Variants in SGMS1 observed in about 807,000 individuals in gnomAD.
The protein encoded by SGMS1 is phosphatidylcholine:ceramide cholinephosphotransferase 1.
SGMS1 carries 13 observed loss-of-function variants against 46.2 expected under a neutral mutation model. The ratio of observed to expected loss-of-function variants is 0.28; its 90% CI spans 0.18 to 0.45. The LOEUF (loss-of-function observed/expected upper bound fraction) is 0.45, where lower values mean the gene tolerates loss of function less well. SGMS1 is among the 20% of genes least tolerant of loss of function. The probability of loss-of-function intolerance (pLI) is 1.00; values close to 1 mark genes in which losing one functional copy is unlikely to be tolerated. For missense variants in SGMS1, 324 were observed against 519.9 expected (o/e 0.62, Z 3.66); for synonymous variants, 203 against 187.8 (o/e 1.08, Z -0.66).
chr10:50,480,661 T>C (rs1376034938), intron 3 of SGMS1, among the ~76,000 whole-genome samples: 1 of 152,050 alleles, frequency 6.6e-6, no homozygotes, highest in Non-Finnish European at 1.5e-5. Flanking sequence ...TGAGCCCATA[T>C]CACCAAGGCC....
intron 6 of SGMS1, among the ~76,000 whole-genome samples, chr10:50,392,554 C>T (rs1848788857): frequency 6.6e-6 from 1 of 152,174 alleles, no homozygotes; most frequent in African/African-American, 2.4e-5. Context: ...CTGTCTTCCT[C>T]AGGATCCATG....
chr10:50,312,062 A>C (rs1847263354), intron 8 of SGMS1, among the ~76,000 whole-genome samples: 1 of 152,218 alleles, frequency 6.6e-6, no homozygotes. Flanking sequence ...TGAACAACTC[A>C]TTCATTACAA....
intron 3 of SGMS1, among the ~76,000 whole-genome samples, chr10:50,470,535 A>T (rs1837369622): frequency 1.3e-5 from 2 of 151,800 alleles, no homozygotes. Context: ...TGAAGGTTGC[A>T]AGTCTCTTGC....
At chr10:50,450,931 C>T (rs1837100617) in intron 5 of SGMS1, among the ~76,000 whole-genome samples, 1 of 151,618 alleles carries the variant, frequency 6.6e-6, no homozygotes, top group Non-Finnish European at 1.5e-5. Flanking sequence ...AAAAAGAAAA[C>T]TCTAGGAGAA....
At chr10:50,617,621 ACC>A in intron 1 of SGMS1, among the ~76,000 whole-genome samples, 1 of 152,246 alleles carries the variant, frequency 6.6e-6, no homozygotes, top group South Asian at 2.1e-4. Flanking sequence ...TCACTCTGTC[ACC>A]CAGGATGGAG....
At chr10:50,358,067 G>A (rs1036416897) in intron 6 of SGMS1, among the ~76,000 whole-genome samples, 1 of 152,134 alleles carries the variant, frequency 6.6e-6, no homozygotes, top group African/African-American at 2.4e-5. Context: ...ATCTCTTGAG[G>A]CCAGGAGTTC....
chr10:50,547,274 A>G (rs1018323736), intron 2 of SGMS1, among the ~76,000 whole-genome samples: 4 of 152,190 alleles, frequency 2.6e-5, no homozygotes, highest in Admixed American at 1.3e-4. Context: ...TTATTTTAAA[A>G]ATTCAGACCA....
chr10:50,562,637 G>A (rs1838251292), intron 2 of SGMS1, among the ~76,000 whole-genome samples: 1 of 152,074 alleles, frequency 6.6e-6, no homozygotes, highest in Non-Finnish European at 1.5e-5. Flanking sequence ...TCCGCCTCCC[G>A]GGTTCACACC....
chr10:50,392,908 AT>A (rs937015343), intron 6 of SGMS1, among the ~76,000 whole-genome samples: 1 of 152,180 alleles, frequency 6.6e-6, no homozygotes, highest in African/African-American at 2.4e-5. Flanking sequence ...TTAAACTGCC[AT>A]AATAAATTAT....
At chr10:50,443,344 T>C (rs925569254) in intron 5 of SGMS1, among the ~76,000 whole-genome samples, 22 of 152,034 alleles carry the variant, frequency 1.4e-4, no homozygotes, top group African/African-American at 4.6e-4. Context: ...TTTTGTCTGC[T>C]AGAACACTAA....
intron 2 of SGMS1, among the ~76,000 whole-genome samples, chr10:50,534,680 T>C (rs777221887): frequency 1.3e-5 from 2 of 152,228 alleles, no homozygotes; most frequent in Non-Finnish European, 2.9e-5. Context: ...TTGAATAGTA[T>C]GCAGCCATTA....
At chr10:50,356,586 T>A (rs906280641) in intron 6 of SGMS1, among the ~76,000 whole-genome samples, 10 of 151,180 alleles carry the variant, frequency 6.6e-5, no homozygotes, top group Admixed American at 1.3e-4. Context: ...TAAAAAAAAA[T>A]TTATTGTATG....
intron 8 of SGMS1, among the ~76,000 whole-genome samples, chr10:50,319,395 T>TCA (rs1446609446): frequency 2.0e-5 from 3 of 152,140 alleles, no homozygotes; most frequent in African/African-American, 7.2e-5. Flanking sequence ...TCTTCTAAAA[T>TCA]CACACTTATG....
chr10:50,541,842 C>T (rs1457020747), intron 2 of SGMS1, among the ~76,000 whole-genome samples: 1 of 152,150 alleles, frequency 6.6e-6, no homozygotes, highest in African/African-American at 2.4e-5. Flanking sequence ...TTCCTGGAGC[C>T]AAAGTTTTCT....
chr10:50,576,485 AC>A (rs1199347393), intron 2 of SGMS1, among the ~76,000 whole-genome samples: 1 of 152,142 alleles, frequency 6.6e-6, no homozygotes, highest in Non-Finnish European at 1.5e-5. Context: ...CATAAATGCC[AC>A]CCTTTCTTCT....
rs1847182451 is a variant in SGMS1, at chr10:50,306,366, C to T, written c.*776G>A. 1 of 152,436 alleles carries T rather than the reference C, an allele frequency of 6.6e-6. No homozygotes were observed. The highest frequency in any genetic ancestry group is 2.4e-5 in the African/African-American group (1 of 41,388). The allele number at this position is 152,436 out of a possible 1,614,324, so 9.4% of individuals were successfully genotyped here. A position where few individuals can be genotyped will look rare whatever the true frequency, so the allele number is the denominator to read the frequency against. On this transcript the variant is annotated 3_prime_UTR_variant, in exon 11 of 11. Transcript: ENST00000361781. Reference sequence around the variant, plus strand: ...TTTAAATAAAAACATTTAAGATTGCCTACTGACCATACAATCAAGACAAGA... The same window carrying T: ...TTTAAATAAAAACATTTAAGATTGCTTACTGACCATACAATCAAGACAAGA...
chr10:50,609,702 T>C (rs1297375884), intron 1 of SGMS1, among the ~76,000 whole-genome samples: 1 of 152,120 alleles, frequency 6.6e-6, no homozygotes, highest in East Asian at 1.9e-4. Context: ...CTTTTCACTA[T>C]GATAAAGAGC....
At chr10:50,442,491 AT>A (rs1014445804) in intron 5 of SGMS1, among the ~76,000 whole-genome samples, 1 of 152,274 alleles carries the variant, frequency 6.6e-6, no homozygotes, top group Admixed American at 6.5e-5. Context: ...CTCCAGCTCC[AT>A]CCATGTCCCT....
At chr10:50,593,383 C>T (rs936431560) in intron 1 of SGMS1, among the ~76,000 whole-genome samples, 1 of 152,202 alleles carries the variant, frequency 6.6e-6, no homozygotes, top group African/African-American at 2.4e-5. Flanking sequence ...TGTGTATTAT[C>T]GTTTTAAGGT....
Sources: allele counts gnomAD v4.1 joint callset (sites outside exome capture counted in the v4.1 genomes callset), GRCh38; gene constraint gnomAD v4.1.1; transcripts MANE v1.5; gene names NCBI Gene and HGNC (gene_info 2026-07-23, HGNC 2026-07-21).